Variants in OR5AS1 observed in about 807,000 individuals in gnomAD.
OR5AS1 encodes olfactory receptor 5AS1.
For missense variants in OR5AS1, 492 were observed against 378.2 expected (o/e 1.30, Z -2.50); for synonymous variants, 196 against 141.7 (o/e 1.38, Z -2.72).
chr11:56,035,965 A>G lies in OR5AS1; in HGVS notation c.*4572A>G, dbSNP rs909235359. 1 of 152,214 alleles carries G rather than the reference A, an allele frequency of 6.6e-6. No homozygotes were observed. The highest frequency in any genetic ancestry group is 1.5e-5 in the Non-Finnish European group (1 of 68,050). The allele number at this position is 152,214 out of a possible 1,614,324, so 9.4% of individuals were successfully genotyped here. A position where few individuals can be genotyped will look rare whatever the true frequency, so the allele number is the denominator to read the frequency against. On this transcript the variant is annotated 3_prime_UTR_variant, in exon 2 of 2. Coordinates refer to ENST00000641320, the MANE Select transcript of OR5AS1 (RefSeq NM_001001921.2). Reference sequence around the variant, plus strand: ...CCACAGTGCAATCAAATTAGAACTCAGGATTAAGAAACTCACTCAAAACCA... The same window carrying G: ...CCACAGTGCAATCAAATTAGAACTCGGGATTAAGAAACTCACTCAAAACCA...
intron 1 of OR5AS1, 119 bp from the exon 2 acceptor site, chr11:56,030,272 C>CA (rs1247122955): frequency 5.1e-5 from 22 of 432,374 alleles, no homozygotes; most frequent in African/African-American, 3.7e-4. Flanking sequence ...TCAAAATTTA[C>CA]AAAAAATGAC....
rs1481931973 is a variant in OR5AS1 at position 56,035,606 on chromosome 11, G to T, written c.*4213G>T. On this transcript the variant is annotated 3_prime_UTR_variant, in exon 2 of 2. Coordinates refer to ENST00000641320, the MANE Select transcript of OR5AS1 (RefSeq NM_001001921.2). Reference sequence around the variant, plus strand: ...AGAGCTAACTATACTAAATATATATGTACCCAATACAAGAGCACCCAAATT... The same window carrying T: ...AGAGCTAACTATACTAAATATATATTTACCCAATACAAGAGCACCCAAATT... The T allele has an allele frequency of 6.6e-6, 1 of 152,070 alleles. No homozygotes were observed. Among genetic ancestry groups the T allele is most frequent in the Non-Finnish European group, 1.5e-5 (1 of 68,028 alleles). 9.4% of individuals were successfully genotyped at this position (152,070 alleles called of 1,614,324 possible).
rs371513846 is a variant in OR5AS1, at chr11:56,030,489, G to T, written c.71G>T (p.Arg24Ile). The T allele has an allele frequency of 2.6e-6, 4 of 1,521,616 alleles. No individual in the cohort carries two copies. Among genetic ancestry groups the T allele is most frequent in the Non-Finnish European group, 3.5e-6 (4 of 1,132,260 alleles). 94.3% of individuals were successfully genotyped at this position (1,521,616 alleles called of 1,614,324 possible). A position where few individuals can be genotyped will look rare whatever the true frequency, so the allele number is the denominator to read the frequency against. Reference protein sequence around the residue: ...FVGFTDYLPLRVTLFLVFLLV... With the variant: ...FVGFTDYLPLIVTLFLVFLLV... ...GGATTCACAGATTATCTACCTCTCA[G>T]AGTCACACTGTTCTTGGTATTCCTT... Residue 24 changes from arginine (R) to isoleucine (I), a missense_variant, in exon 2 of 2, where the codon AGA becomes ATA. Arg to Ile is a moderately conservative substitution (Grantham distance 97, BLOSUM62 -3). Coordinates refer to ENST00000641320, the MANE Select transcript of OR5AS1 (RefSeq NM_001001921.2).
Position 56,035,979 on chromosome 11 carries a change from C to A in OR5AS1, c.*4586C>A, listed in dbSNP as rs938066373. ...AATTAGAACTCAGGATTAAGAAACT[C>A]ACTCAAAACCACACATCTACATGGA... On this transcript the variant is annotated 3_prime_UTR_variant, in exon 2 of 2. Coordinates refer to ENST00000641320, the MANE Select transcript of OR5AS1 (RefSeq NM_001001921.2). 2.6e-5 allele frequency: 4 copies of A among 152,142 alleles called. No individual in the cohort carries two copies. The highest frequency in any genetic ancestry group is 6.5e-5 in the Admixed American group (1 of 15,274). 9.4% of individuals were successfully genotyped at this position (152,142 alleles called of 1,614,324 possible).
At position 56,036,762 on chromosome 11, in the gene OR5AS1, T is replaced by G. The variant is rs1256049005; in HGVS notation, c.*5369T>G. 6.6e-6 allele frequency: 1 copy of G among 152,016 alleles called. No individual in the cohort carries two copies. The highest frequency in any genetic ancestry group is 6.6e-5 in the Admixed American group (1 of 15,264). The allele number at this position is 152,016 out of a possible 1,614,324, so 9.4% of individuals were successfully genotyped here. On this transcript the variant is annotated 3_prime_UTR_variant, in exon 2 of 2. Coordinates refer to ENST00000641320, the MANE Select transcript of OR5AS1 (RefSeq NM_001001921.2). The stretch of plus-strand genomic sequence containing the variant: ...AGAAAACGAGAGGCTCCTCCCTAAC[T>G]CATTTTATGCGGCCAGCATCATCCT...
In OR5AS1 at chr11:56,031,085, A is replaced by G; in HGVS notation, c.667A>G (p.Ile223Val). 4 of 1,614,024 alleles carry G rather than the reference A, an allele frequency of 2.5e-6. No individual in the cohort carries two copies. The highest frequency in any genetic ancestry group is 2.5e-6 in the Non-Finnish European group (3 of 1,179,992). ...ATTTATTTCTTACTTCTGCATCCTC[A>G]TCACTGTGTTGAGCATCAAGTCCTC... ...VIFISYFCILITVLSIKSSGG... is the reference protein window; with the variant it reads ...VIFISYFCILVTVLSIKSSGG... Residue 223 changes from isoleucine to valine, a missense_variant, in exon 2 of 2, where the codon ATC becomes GTC. Transcript: ENST00000641320.
rs372737650 is a variant in OR5AS1, at chr11:56,031,316, G to A, written c.898G>A (p.Ala300Thr). The A allele has an allele frequency of 1.2e-6, 2 of 1,601,900 alleles. No individual in the cohort carries two copies. The highest frequency in any genetic ancestry group is 1.7e-6 in the Non-Finnish European group (2 of 1,174,670). Residue 300 changes from alanine to threonine, a missense_variant, in exon 2 of 2, where the codon GCT (alanine) becomes ACT (threonine). Physicochemically the swap from Ala to Thr is moderately conservative, Grantham distance 58. Transcript: ENST00000641320. ...TTTCAGAAACAAGGATGTGAAAAAT[G>A]CTCTCAAAAAGCTATTAGAAAGAAT... is the stretch of plus-strand genomic sequence containing the variant. ...YSFRNKDVKN[A>T]LKKLLERIGY... is the part of the protein sequence containing the mutation.
Position 56,034,654 on chromosome 11 carries a change from AGG to A in OR5AS1, c.*3265_*3266del, listed in dbSNP as rs567608118. The A allele has an allele frequency of 6.8e-4, 103 of 152,292 alleles. No individual in the cohort carries two copies. Among genetic ancestry groups the A allele is most frequent in the African/African-American group, 2.4e-3 (98 of 41,512 alleles). The allele number at this position is 152,292 out of a possible 1,614,324, so 9.4% of individuals were successfully genotyped here. A position where few individuals can be genotyped will look rare whatever the true frequency, so the allele number is the denominator to read the frequency against. ...TATTTGATTGGTGTACCTGAAAGTG[AGG>A]GGGAGAATGGAACCAACTTGGAAAA... On this transcript the variant is annotated 3_prime_UTR_variant, in exon 2 of 2. Transcript: ENST00000641320.
In OR5AS1 at chr11:56,033,959, C is replaced by A. The variant is rs1339950494; in HGVS notation, c.*2566C>A. ...GCAGCAATCTTTACTGTTCTGCAGC[C>A]TTCGCAGGCAAACAGGGTCTGGAGT... On this transcript the variant is annotated 3_prime_UTR_variant, in exon 2 of 2. Transcript: ENST00000641320. 6.6e-6 allele frequency: 1 copy of A among 152,230 alleles called. No individual in the cohort carries two copies. Among genetic ancestry groups the A allele is most frequent in the Non-Finnish European group, 1.5e-5 (1 of 68,180 alleles). 9.4% of individuals were successfully genotyped at this position (152,230 alleles called of 1,614,324 possible). A position where few individuals can be genotyped will look rare whatever the true frequency, so the allele number is the denominator to read the frequency against.
rs1017394821 is a variant in OR5AS1, at chr11:56,035,908, C to T, written c.*4515C>T. On this transcript the variant is annotated 3_prime_UTR_variant, in exon 2 of 2. Coordinates refer to ENST00000641320, the MANE Select transcript of OR5AS1 (RefSeq NM_001001921.2). ...CAAGTAAAATACTCCTCAGCAAATG[C>T]AAAACAATGGAAATCATAACAGTCT... 14 of 152,100 alleles carry T rather than the reference C, an allele frequency of 9.2e-5. No individual in the cohort carries two copies. Among genetic ancestry groups the T allele is most frequent in the Admixed American group, 4.6e-4 (7 of 15,256 alleles). The allele number at this position is 152,100 out of a possible 1,614,324, so 9.4% of individuals were successfully genotyped here.
In OR5AS1 at chr11:56,031,603, G is replaced by T; in HGVS notation, c.*210G>T. On this transcript the variant is annotated 3_prime_UTR_variant, in exon 2 of 2. Transcript: ENST00000641320. ...CATAGTCATTATTTATATCCAATTA[G>T]TGTTTCTAAAATGCTTTGTACATTG... is the stretch of plus-strand genomic sequence containing the variant. The T allele has an allele frequency of 2.6e-6, 1 of 391,668 alleles. No homozygotes were observed. Among genetic ancestry groups the T allele is most frequent in the Non-Finnish European group, 4.6e-6 (1 of 217,724 alleles). 24.3% of individuals were successfully genotyped at this position (391,668 alleles called of 1,614,324 possible).
rs950835124 is a variant in OR5AS1, at chr11:56,032,743, A to G, written c.*1350A>G. The stretch of plus-strand genomic sequence containing the variant: ...ATGAAGATACTGTGGGTTCTCTTCT[A>G]GATCACTACAATAAAGCAACTGACG... On this transcript the variant is annotated 3_prime_UTR_variant, in exon 2 of 2. Coordinates refer to ENST00000641320, the MANE Select transcript of OR5AS1 (RefSeq NM_001001921.2). 1 of 152,152 alleles carries G rather than the reference A, an allele frequency of 6.6e-6. No homozygotes were observed. Among genetic ancestry groups the G allele is most frequent in the African/African-American group, 2.4e-5 (1 of 41,384 alleles). 9.4% of individuals were successfully genotyped at this position (152,152 alleles called of 1,614,324 possible). A position where few individuals can be genotyped will look rare whatever the true frequency, so the allele number is the denominator to read the frequency against.
rs570192670 is a variant in OR5AS1, at chr11:56,037,574, A to G, written c.*6181A>G. 15 of 152,094 alleles carry G rather than the reference A, an allele frequency of 9.9e-5. No individual in the cohort carries two copies. The highest frequency in any genetic ancestry group is 1.8e-4 in the Non-Finnish European group (12 of 68,028). 9.4% of individuals were successfully genotyped at this position (152,094 alleles called of 1,614,324 possible). On this transcript the variant is annotated 3_prime_UTR_variant, in exon 2 of 2. Transcript: ENST00000641320. ...ACGAGGGATATGAATGACCTCTTCA[A>G]GGAGAACTACAAATTAGTGCTCAAG...
chr11:56,031,506 T>TA lies in OR5AS1; in HGVS notation c.*117dup. On this transcript the variant is annotated 3_prime_UTR_variant, in exon 2 of 2. Coordinates refer to ENST00000641320, the MANE Select transcript of OR5AS1 (RefSeq NM_001001921.2). ...AGATAACTTGTTATACTCAGTGCAT[T>TA]AAAATGCTTCATCCTCTCTTCCAAA... The TA allele has an allele frequency of 1.3e-6, 1 of 771,596 alleles. No homozygotes were observed. The allele number at this position is 771,596 out of a possible 1,614,324, so 47.8% of individuals were successfully genotyped here.
rs1236070805 is a variant in OR5AS1 at position 56,031,882 on chromosome 11, A to G, written c.*489A>G. The G allele has an allele frequency of 6.5e-6, 1 of 152,798 alleles. No homozygotes were observed. The highest frequency in any genetic ancestry group is 2.4e-5 in the African/African-American group (1 of 41,388). 9.5% of individuals were successfully genotyped at this position (152,798 alleles called of 1,614,324 possible). ...AGGTCTGATTTCAAAAATTCAAAAT[A>G]TTGTAACCTCAGACATAAATTTAAG... On this transcript the variant is annotated 3_prime_UTR_variant, in exon 2 of 2. Coordinates refer to ENST00000641320, the MANE Select transcript of OR5AS1 (RefSeq NM_001001921.2).
In OR5AS1 at chr11:56,030,636, G is replaced by A. The variant is rs61307184; in HGVS notation, c.218G>A (p.Cys73Tyr). ...AACTTATCTTTCTTAGACATCAGCT[G>A]TTCTACAGCAATCACTCCTAAAATG... ...LSNLSFLDIS[C>Y]STAITPKMLA... Residue 73 changes from cysteine (C) to tyrosine (Y), a missense_variant, in exon 2 of 2, where the codon TGT (cysteine) becomes TAT (tyrosine). Cys to Tyr is a radical substitution (Grantham distance 194). Coordinates refer to ENST00000641320, the MANE Select transcript of OR5AS1 (RefSeq NM_001001921.2). The A allele has an allele frequency of 6.4e-7, 1 of 1,567,524 alleles. No individual in the cohort carries two copies. Among genetic ancestry groups the A allele is most frequent in the Admixed American group, 1.9e-5 (1 of 53,638 alleles).
rs147227702 is a variant in OR5AS1 at position 56,030,262 on chromosome 11, T to C, written c.-28-129T>C. 823 of 420,590 alleles carry C rather than the reference T, an allele frequency of 2.0e-3. 2 individuals carry two copies. Among genetic ancestry groups the C allele is most frequent in the Middle Eastern group, 0.014 (29 of 2,080 alleles). The allele number at this position is 420,590 out of a possible 1,614,324, so 26.1% of individuals were successfully genotyped here. ...CTTTAATCAAATGACAAAATCAAAA[T>C]CAAAATTTACAAAAAATGACATCTC... On this transcript the variant is annotated intron_variant, in intron 1 of 1. Transcript: ENST00000641320.
Position 56,037,081 on chromosome 11 carries a change from C to T in OR5AS1, c.*5688C>T, listed in dbSNP as rs1227177277. On this transcript the variant is annotated 3_prime_UTR_variant, in exon 2 of 2. Transcript: ENST00000641320. ...AATTCAACACCCTTCGTGCTAAAAA[C>T]TCTCAATAAACTAGGTATTGACAAA... 1.3e-5 allele frequency: 2 copies of T among 152,108 alleles called. No individual in the cohort carries two copies. The highest frequency in any genetic ancestry group is 2.4e-5 in the African/African-American group (1 of 41,356). The allele number at this position is 152,108 out of a possible 1,614,324, so 9.4% of individuals were successfully genotyped here. A position where few individuals can be genotyped will look rare whatever the true frequency, so the allele number is the denominator to read the frequency against.
In OR5AS1 at chr11:56,033,336, A is replaced by G. The variant is rs934204110; in HGVS notation, c.*1943A>G. The G allele has an allele frequency of 6.5e-6, 1 of 152,946 alleles. No individual in the cohort carries two copies. Among genetic ancestry groups the G allele is most frequent in the South Asian group, 2.1e-4 (1 of 4,854 alleles). 9.5% of individuals were successfully genotyped at this position (152,946 alleles called of 1,614,324 possible). On this transcript the variant is annotated 3_prime_UTR_variant, in exon 2 of 2. Transcript: ENST00000641320. ...GGAGCCAAGTGGTCTAGCTCAGCAG[A>G]TCCCACCCCCATGGAGCCCAGCAAG...
Sources: gnomAD v4.1 joint callset for allele counts on GRCh38, gnomAD v4.1.1 for gene constraint, MANE v1.5 for transcripts, NCBI Gene and HGNC (gene_info 2026-07-23, HGNC 2026-07-21) for gene names.